PCLO: variants seen among roughly 807,000 people sequenced by gnomAD.
The protein encoded by PCLO is protein piccolo.
Under a neutral mutation model 427.5 loss-of-function variants are expected in PCLO, and 82 were observed. That is an observed-to-expected ratio of 0.19 (90% confidence interval 0.16 to 0.23). PCLO has a LOEUF of 0.23. PCLO is among the 10% of genes least tolerant of loss of function. The pLI, the probability that PCLO is intolerant of heterozygous loss-of-function variation, is 1.00. For synonymous variants in PCLO, 2,357 were observed against 2,155.4 expected (o/e 1.09, Z -2.59); for missense variants, 6,239 against 6,115.9 (o/e 1.02, Z -0.67).
At chr7:82,977,538 G>C (rs951887029) in intron 3 of PCLO, among the ~76,000 whole-genome samples, 2 of 151,562 alleles carry the variant, frequency 1.3e-5, no homozygotes, top group South Asian at 4.2e-4. Context: ...TCAGCCTCCC[G>C]AGTAGTTGGG....
At chr7:83,080,201 T>A (rs73163035) in intron 3 of PCLO, among the ~76,000 whole-genome samples, 13,993 of 152,170 alleles carry the variant, frequency 0.092, 837 homozygotes, top group East Asian at 0.17. Flanking sequence ...TGCATCTTTG[T>A]AACAGAAGGA....
intron 3 of PCLO, among the ~76,000 whole-genome samples, chr7:83,068,497 G>A (rs948037292): frequency 6.6e-6 from 1 of 152,034 alleles, no homozygotes; most frequent in Non-Finnish European, 1.5e-5. Flanking sequence ...TTCCAAAGAA[G>A]ACATACGAAT....
Position 82,956,506 on chromosome 7 carries a change from T to G in PCLO, c.4447A>C (p.Ser1483Arg). 1 of 1,613,226 alleles carries G rather than the reference T, an allele frequency of 6.2e-7. No individual in the cohort carries two copies. The highest frequency in any genetic ancestry group is 8.5e-7 in the Non-Finnish European group (1 of 1,179,738). The change falls in exon 5 of 25, where the codon AGC becomes CGC. Residue 1483 changes from serine to arginine, a missense_variant. Around this residue, in one of 5 missense-constraint regions of PCLO, gnomAD observed 4,677 missense variants for 4,468.4 expected, o/e 1.05. Coordinates refer to ENST00000333891, the MANE Select transcript of PCLO (RefSeq NM_033026.6). ...TTGCTGGAAGGAATATCTTGTTGGC[T>G]ATCTTTTTTAAAAGTGTCTTTCCTT... ...EERKDTFKKD[S>R]QQDIPSSKDH...
At chr7:83,111,539 A>G (rs950984200) in intron 3 of PCLO, among the ~76,000 whole-genome samples, 1 of 152,242 alleles carries the variant, frequency 6.6e-6, no homozygotes, top group Admixed American at 6.5e-5. Flanking sequence ...AAGAAAAGGA[A>G]TGTCAGCAGC....
chr7:83,046,097 C>T (rs541222085), intron 3 of PCLO, among the ~76,000 whole-genome samples: 1 of 152,008 alleles, frequency 6.6e-6, no homozygotes, highest in Non-Finnish European at 1.5e-5. Context: ...ACCCTAATCT[C>T]CTCTTGTTGT....
In PCLO at chr7:82,916,568, G is replaced by A. The variant is rs535888963; in HGVS notation, c.11418C>T (p.Asn3806=). The A allele has an allele frequency of 3.5e-5, 56 of 1,613,600 alleles. No individual in the cohort carries two copies. In the South Asian group the frequency reaches 6.1e-4, roughly 18 times the overall value. Residue 3806 remains asparagine (N), a synonymous_variant, in exon 7 of 25, where the codon AAC becomes AAT. Coordinates refer to ENST00000333891, the MANE Select transcript of PCLO (RefSeq NM_033026.6). ...CCTTTAATAGGGCCTCTTTCCTCCT[G>A]TTAATTCCCATTTCCAGGTATCGTA... ...AKLRYLEMGI[N]RRKEALLKER...
At chr7:82,784,862 T>A (rs1208153966) in intron 22 of PCLO, among the ~76,000 whole-genome samples, 2 of 152,190 alleles carry the variant, frequency 1.3e-5, no homozygotes, top group African/African-American at 4.8e-5. Context: ...TAGATCTAGA[T>A]AATTTTTTTC....
intron 16 of PCLO, among the ~76,000 whole-genome samples, chr7:82,835,401 C>A (rs1792207898): frequency 6.6e-6 from 1 of 152,210 alleles, no homozygotes; most frequent in Non-Finnish European, 1.5e-5. Context: ...TTAGTTATGT[C>A]TAATTTCATG....
intron 6 of PCLO, among the ~76,000 whole-genome samples, chr7:82,936,416 G>T (rs1249804425): frequency 6.6e-6 from 1 of 151,596 alleles, no homozygotes; most frequent in African/African-American, 2.4e-5. Flanking sequence ...CACCTAAAAA[G>T]ATGTTCAACA....
At chr7:82,820,834 C>T (rs1791773551) in intron 20 of PCLO, 1 of 1,230,666 alleles carries the variant, frequency 8.1e-7, no homozygotes, top group South Asian at 4.1e-5. Flanking sequence ...TAGTAGCATG[C>T]ATTCCATTCT....
rs1036279682 is a variant in PCLO at position 82,952,432 on chromosome 7, C to T, written c.8521G>A (p.Asp2841Asn). The change falls in exon 5 of 25, where the codon GAC (aspartate) becomes AAC (asparagine). Residue 2841 changes from aspartate to asparagine, a missense_variant. By Grantham distance (23) the Asp-to-Asn change is conservative (BLOSUM62 1). Coordinates refer to ENST00000333891, the MANE Select transcript of PCLO (RefSeq NM_033026.6). Reference sequence around the variant, plus strand: ...TCCCTAGCTATAGGAAAGACCTGGTCACTTGGTATCCTGTATGGGGGCTCA... The same window carrying T: ...TCCCTAGCTATAGGAAAGACCTGGTTACTTGGTATCCTGTATGGGGGCTCA... ...HAEPPYRIPSDQVFPIAREEA... is the reference protein window; with the variant it reads ...HAEPPYRIPSNQVFPIAREEA... 6.2e-7 allele frequency: 1 copy of T among 1,613,760 alleles called. No individual in the cohort carries two copies. Among genetic ancestry groups the T allele is most frequent in the African/African-American group, 1.3e-5 (1 of 74,930 alleles).
intron 3 of PCLO, among the ~76,000 whole-genome samples, chr7:83,003,174 AATTTC>A (rs1787865468): frequency 6.6e-6 from 1 of 151,398 alleles, no homozygotes; most frequent in African/African-American, 2.4e-5. Context: ...AAATACAAAT[AATTTC>A]ATTATAAAAT....
intron 9 of PCLO, among the ~76,000 whole-genome samples, chr7:82,881,039 C>T (rs954304721): frequency 6.6e-6 from 1 of 152,102 alleles, no homozygotes; most frequent in African/African-American, 2.4e-5. Context: ...TGAGAATCCA[C>T]AAATAGACTT....
chr7:83,010,285 A>T (rs2115984729), intron 3 of PCLO, among the ~76,000 whole-genome samples: 1 of 151,958 alleles, frequency 6.6e-6, no homozygotes, highest in Non-Finnish European at 1.5e-5. Context: ...CCAGTTGAAT[A>T]TTTTTTAGGT....
intron 22 of PCLO, among the ~76,000 whole-genome samples, chr7:82,779,472 C>A (rs949670861): frequency 3.3e-5 from 5 of 152,240 alleles, no homozygotes; most frequent in African/African-American, 9.6e-5. Flanking sequence ...TTAAGTGAAT[C>A]AACATGAATT....
At position 83,051,591 on chromosome 7, in the gene PCLO, T is replaced by G. The variant is rs1316250402; in HGVS notation, c.3300+82659A>C. Reference sequence around the variant, plus strand: ...TAAATATAGAGATATTTCAAATTCATGGACAGAAAGACATTATTGTTAAGT... The same window carrying G: ...TAAATATAGAGATATTTCAAATTCAGGGACAGAAAGACATTATTGTTAAGT... On this transcript the variant is annotated intron_variant, in intron 3 of 24. Transcript: ENST00000333891. Among the ~76,000 whole-genome samples, 7 of 152,090 alleles carry G rather than the reference T, an allele frequency of 4.6e-5. No individual in the cohort carries two copies. In the East Asian group the frequency reaches 1.3e-3, roughly 29 times the overall value.
intron 16 of PCLO, among the ~76,000 whole-genome samples, chr7:82,828,263 T>A (rs116195559): frequency 0.017 from 2,641 of 152,206 alleles, 93 homozygotes; most frequent in African/African-American, 0.06. Context: ...ATGTAGGAGA[T>A]AATTACATGA....
chr7:82,949,694 G>T lies in PCLO; in HGVS notation c.10894C>A (p.Pro3632Thr), dbSNP rs1224432684. Residue 3632 changes from proline (P) to threonine (T), a missense_variant, in exon 6 of 25, where the codon CCA becomes ACA. Coordinates refer to ENST00000333891, the MANE Select transcript of PCLO (RefSeq NM_033026.6). ...AAGGCTGATTCTAAGGCTTTGCCTG[G>T]TGAAAGTGGTGAGATGGGTGAGTAA... ...VLYSPISPLS[P>T]GKALESAFVP... 3 of 1,613,750 alleles carry T rather than the reference G, an allele frequency of 1.9e-6. No individual in the cohort carries two copies.
Position 82,801,447 on chromosome 7 carries a change from A to C in PCLO, c.15007+71T>G, listed in dbSNP as rs528183217. ...TAACATTTAAATTCATGTTAAAAGA[A>C]AAACAACTGAAACACTTATACTGTA... On this transcript the variant is annotated intron_variant, in intron 22 of 24. Transcript: ENST00000333891. 144 of 811,048 alleles carry C rather than the reference A, an allele frequency of 1.8e-4. No individual in the cohort carries two copies. In the South Asian group the frequency reaches 2.0e-3, roughly 11 times the overall value. 50.2% of individuals were successfully genotyped at this position (811,048 alleles called of 1,614,324 possible).
Sources: allele counts gnomAD v4.1 joint callset (sites outside exome capture counted in the v4.1 genomes callset), GRCh38; gene constraint gnomAD v4.1.1; regional missense constraint gnomAD v4.1.1; transcripts MANE v1.5; gene names NCBI Gene and HGNC (gene_info 2026-07-23, HGNC 2026-07-21).